DHX57: variants seen among roughly 807,000 people sequenced by gnomAD.
DHX57 encodes the protein DExH-box helicase 57.
A neutral mutation model predicts 156.2 loss-of-function variants in DHX57; 105 were observed. That is an observed-to-expected ratio of 0.67 (90% CI 0.57 to 0.79). The LOEUF (loss-of-function observed/expected upper bound fraction) is 0.79, where lower values mean the gene tolerates loss of function less well. Ranked by LOEUF, DHX57 falls within the 30% of genes least tolerant of loss-of-function variation. The pLI is 0.00. For missense variants in DHX57, 1,847 were observed against 1,661.9 expected (o/e 1.11, Z -1.94); for synonymous variants, 704 against 595.6 (o/e 1.18, Z -2.65).
chr2:38,862,270 C>G lies in DHX57; in HGVS notation c.447G>C (p.Trp149Cys), dbSNP rs1196180050. 2.0e-5 allele frequency: 33 copies of G among 1,613,102 alleles called. No homozygotes were observed. The highest frequency in any genetic ancestry group is 2.8e-5 in the Non-Finnish European group (33 of 1,179,308). Residue 149 changes from tryptophan (W) to cysteine (C), a missense_variant, in exon 4 of 24, where the codon TGG (tryptophan) becomes TGC (cysteine). Coordinates refer to ENST00000457308, the MANE Select transcript of DHX57 (RefSeq NM_198963.3). ...CGAGGGAAGGTTCCTGTCCAGCTGG[C>G]CAGTACCGCTCATCGTTACAGCAAT... is the stretch of plus-strand genomic sequence containing the variant. ...EPDCCNDERYWPAGQEPSLVP... is the reference protein window; with the variant it reads ...EPDCCNDERYCPAGQEPSLVP...
At chr2:38,839,823 T>C (rs893122455) in intron 12 of DHX57, among the ~76,000 whole-genome samples, 1 of 151,372 alleles carries the variant, frequency 6.6e-6, no homozygotes, top group Non-Finnish European at 1.5e-5. Flanking sequence ...CAAACAAGGG[T>C]GTGGTTGGGT....
intron 22 of DHX57, among the ~76,000 whole-genome samples, chr2:38,805,869 G>A (rs1669911382): frequency 1.3e-5 from 2 of 152,210 alleles, no homozygotes; most frequent in Non-Finnish European, 2.9e-5. Flanking sequence ...GTAAGTGGCA[G>A]TTGGGATGTG....
intron 3 of DHX57, 66 bp downstream of exon 3, chr2:38,863,295 A>C: frequency 1.3e-6 from 2 of 1,518,158 alleles, no homozygotes; most frequent in Non-Finnish European, 1.8e-6. Flanking sequence ...CCAAAGATGC[A>C]CAGGACCTTC....
At chr2:38,806,451 T>G (rs1216957667) in intron 22 of DHX57, 108 bp downstream of exon 22, 6 of 1,185,408 alleles carry the variant, frequency 5.1e-6, no homozygotes, top group Non-Finnish European at 7.1e-6. Context: ...CAGTCAGTGG[T>G]ATTGCTGGGG....
At chr2:38,850,692 C>CAGGGAAA (rs70954770) in intron 9 of DHX57, among the ~76,000 whole-genome samples, 141,006 of 151,862 alleles carry the variant, frequency 0.93, 66,401 homozygotes, top group East Asian at 1. Flanking sequence ...GTTTCTTTTT[C>CAGGGAAA]AGGGAAATAG....
At position 38,854,037 on chromosome 2, in the gene DHX57, G is replaced by T; in HGVS notation, c.2030+17C>A. The T allele has an allele frequency of 6.3e-7, 1 of 1,593,900 alleles. No individual in the cohort carries two copies. On this transcript the variant is annotated intron_variant, in intron 9 of 23. Transcript: ENST00000457308. ...ATTCAGGTGAGTGTGTGTTCCCTGGGAAAGTCTTTGTTTTACCTTTCTTCT... is the reference window on the plus strand; with the variant it reads ...ATTCAGGTGAGTGTGTGTTCCCTGGTAAAGTCTTTGTTTTACCTTTCTTCT...
chr2:38,851,353 A>C (rs1672583076), intron 9 of DHX57, among the ~76,000 whole-genome samples: 1 of 152,202 alleles, frequency 6.6e-6, no homozygotes, highest in South Asian at 2.1e-4. Context: ...AAATTTATTA[A>C]AATTTCAAAC....
intron 9 of DHX57, among the ~76,000 whole-genome samples, chr2:38,850,291 CTTTTTT>C (rs533036716): frequency 6.6e-6 from 1 of 150,950 alleles, no homozygotes; most frequent in South Asian, 2.1e-4. Context: ...TTTTTCTTAC[CTTTTTT>C]TTTGAGACAA....
chr2:38,847,171 C>T, intron 10 of DHX57, 98 bp from the exon 11 acceptor site: 7 of 945,046 alleles, frequency 7.4e-6, no homozygotes, highest in Non-Finnish European at 1.1e-5. Context: ...GCTTGTCATG[C>T]TAACGTCCTA....
At chr2:38,812,910 T>C (rs1269607712) in intron 21 of DHX57, among the ~76,000 whole-genome samples, 1 of 150,564 alleles carries the variant, frequency 6.6e-6, no homozygotes, top group Non-Finnish European at 1.5e-5. Context: ...TACAGTGGCA[T>C]GGTCTTGGCT....
At chr2:38,843,243 T>C (rs1345247639) in intron 11 of DHX57, 33 bp from the exon 12 acceptor site, 1 of 1,608,216 alleles carries the variant, frequency 6.2e-7, no homozygotes, top group Admixed American at 1.7e-5. Context: ...GTTGTGTGTA[T>C]GTGGTCCTGT....
intron 21 of DHX57, among the ~76,000 whole-genome samples, chr2:38,809,468 T>TTC (rs1553322178): frequency 0.061 from 8,975 of 146,842 alleles, 393 homozygotes; most frequent in Non-Finnish European, 0.094. Context: ...TTTTTTTTTT[T>TTC]CTTTTTTTTT....
chr2:38,806,727 A>G (rs1558353112), intron 21 of DHX57, 34 bp from the exon 22 acceptor site: 1 of 1,589,096 alleles, frequency 6.3e-7, no homozygotes, highest in Non-Finnish European at 8.6e-7. Context: ...ATAGACATAT[A>G]ATATATATAT....
intron 12 of DHX57, among the ~76,000 whole-genome samples, chr2:38,841,726 C>T (rs369479379): frequency 9.2e-5 from 14 of 152,284 alleles, no homozygotes; most frequent in African/African-American, 3.4e-4. Flanking sequence ...CTGAGACCTG[C>T]TTGTAGTCTA....
At chr2:38,835,647 T>C (rs1671611635) in intron 13 of DHX57, among the ~76,000 whole-genome samples, 1 of 152,204 alleles carries the variant, frequency 6.6e-6, no homozygotes, top group African/African-American at 2.4e-5. Context: ...AGGTACTCTA[T>C]GGAAAGGACT....
chr2:38,837,385 C>A (rs61347192), intron 13 of DHX57, among the ~76,000 whole-genome samples: 46 of 151,736 alleles, frequency 3.0e-4, no homozygotes, highest in African/African-American at 9.9e-4. Flanking sequence ...CCGAGGCAGG[C>A]GGATCACCTG....
chr2:38,862,191 C>A lies in DHX57; in HGVS notation c.526G>T (p.Val176Phe). The A allele has an allele frequency of 6.2e-7, 1 of 1,612,812 alleles. No homozygotes were observed. Among genetic ancestry groups the A allele is most frequent in the Non-Finnish European group, 8.5e-7 (1 of 1,179,402 alleles). ...AATGGGGAGACTGTAAATTCTGGAA[C>A]ATAAGGCTCCACTGAGGCTAAGCCA... ...YAGLASVEPY[V>F]PEFTVSPFAV... Residue 176 changes from valine to phenylalanine, a missense_variant, in exon 4 of 24, where the codon GTT becomes TTT. By Grantham distance (50) the Val-to-Phe change is conservative. Coordinates refer to ENST00000457308, the MANE Select transcript of DHX57 (RefSeq NM_198963.3).
At chr2:38,875,361 C>A (rs1041354783) in intron 1 of DHX57, among the ~76,000 whole-genome samples, 4 of 152,218 alleles carry the variant, frequency 2.6e-5, no homozygotes, top group African/African-American at 9.6e-5. Context: ...TCTGACTGAT[C>A]ACAATATATC....
At chr2:38,826,180 G>C in intron 15 of DHX57, 133 bp from the exon 16 acceptor site, 1 of 977,894 alleles carries the variant, frequency 1.0e-6, no homozygotes. Context: ...TGGGATAGTT[G>C]AGCCCCTGGT....
Sources: allele counts gnomAD v4.1 joint callset (sites outside exome capture counted in the v4.1 genomes callset), GRCh38; gene constraint gnomAD v4.1.1; transcripts MANE v1.5; gene names NCBI Gene and HGNC (gene_info 2026-07-23, HGNC 2026-07-21).